Variants in BRCC3 observed in about 807,000 individuals in gnomAD.
BRCC3 encodes the protein BRCA1/BRCA2-containing complex subunit 3.
A neutral mutation model predicts 28.0 loss-of-function variants in BRCC3; 15 were observed. The observed-to-expected ratio is 0.54, with a 90% confidence interval of 0.36 to 0.82. The LOEUF (loss-of-function observed/expected upper bound fraction) is 0.82, where lower values mean the gene tolerates loss of function less well. BRCC3 is among the 40% of genes least tolerant of loss of function. BRCC3 has a pLI of 0.01. For missense variants in BRCC3, 109 were observed against 225.9 expected (o/e 0.48, Z 3.32); for synonymous variants, 66 against 80.3 (o/e 0.82, Z 0.95).
At chrX:155,080,378 G>T (rs1467295713) in intron 5 of BRCC3, among the ~76,000 whole-genome samples, 1 of 110,007 alleles carries the variant, frequency 9.1e-6, no homozygotes, top group Non-Finnish European at 1.9e-5. Context: ...CAGGGGAGAA[G>T]ATCTGAGCCA....
chrX:155,091,276 CTTT>C, intron 7 of BRCC3, among the ~76,000 whole-genome samples: 1 of 103,482 alleles, frequency 9.7e-6, no homozygotes, highest in Non-Finnish European at 2.0e-5. Flanking sequence ...ATTAGCAAAT[CTTT>C]TTTTTTTTTT....
chrX:155,077,064 A>G (rs961635330), intron 3 of BRCC3, 106 bp from the exon 4 acceptor site: 10 of 739,125 alleles, frequency 1.4e-5, no homozygotes, highest in Admixed American at 8.1e-5. Flanking sequence ...GTTTTCTAAA[A>G]TGGAATATTT....
At chrX:155,075,285 C>CT (rs1315492890) in intron 3 of BRCC3, among the ~76,000 whole-genome samples, 3 of 50,580 alleles carry the variant, frequency 5.9e-5, no homozygotes, top group Admixed American at 2.0e-4. Context: ...GCTAAGCCCA[C>CT]TCTTTCCCCT....
chrX:155,079,307 G>A (rs2074068517), intron 5 of BRCC3, among the ~76,000 whole-genome samples: 1 of 111,750 alleles, frequency 8.9e-6, no homozygotes, highest in Non-Finnish European at 1.9e-5. Context: ...TTGTACAGAA[G>A]GGTAAACAAA....
At chrX:155,120,216 G>A in intron 10 of BRCC3, 48 bp downstream of exon 10, 1 of 967,976 alleles carries the variant, frequency 1.0e-6, no homozygotes, top group South Asian at 2.1e-5. Flanking sequence ...GTCTGAAAAT[G>A]CACACAGCTC....
chrX:155,105,354 A>G (rs917410870), intron 7 of BRCC3, among the ~76,000 whole-genome samples: 6 of 111,406 alleles, frequency 5.4e-5, no homozygotes, highest in East Asian at 5.7e-4. Flanking sequence ...GTGGTGGCGC[A>G]TGCCTGTAAT....
At chrX:155,078,888 AGTCT>A (rs1459237435) in intron 5 of BRCC3, 185 bp downstream of exon 5, 1 of 356,481 alleles carries the variant, frequency 2.8e-6, no homozygotes, top group Non-Finnish European at 4.9e-6. Flanking sequence ...GTTTTTAATA[AGTCT>A]GTCAGTTGAT....
chrX:155,076,169 G>A (rs183538300), intron 3 of BRCC3, among the ~76,000 whole-genome samples: 74 of 111,710 alleles, frequency 6.6e-4, no homozygotes, highest in African/African-American at 2.2e-3. Context: ...CCAGCACTTC[G>A]AGAGGTCGAG....
intron 5 of BRCC3, among the ~76,000 whole-genome samples, chrX:155,082,679 A>G (rs2074093058): frequency 8.9e-6 from 1 of 112,453 alleles, no homozygotes. Flanking sequence ...TCTCAAGATC[A>G]AGGGTATTTA....
chrX:155,105,670 C>A (rs1301655497), intron 7 of BRCC3, among the ~76,000 whole-genome samples: 9 of 111,620 alleles, frequency 8.1e-5, no homozygotes, highest in Non-Finnish European at 1.7e-4. Context: ...TGTAGCTTTT[C>A]TTTTCTCAGT....
intron 10 of BRCC3, 147 bp downstream of exon 10, chrX:155,120,315 C>A: frequency 2.2e-6 from 1 of 462,090 alleles, no homozygotes; most frequent in East Asian, 3.6e-5. Context: ...TCACTGAACC[C>A]TCCTACCTAT....
chrX:155,075,275 G>GGTTTTGC (rs1569560405), intron 3 of BRCC3, among the ~76,000 whole-genome samples: 1 of 111,384 alleles, frequency 9.0e-6, no homozygotes, highest in African/African-American at 3.2e-5. Context: ...ATCTGATAAT[G>GGTTTTGC]CTAAGCCCAC....
rs1448033073 is a variant in BRCC3, at chrX:155,121,960, T to C, written c.*756T>C. ...TGGGCAACATAGTGAGACTCTTGTC[T>C]CTACAAAAAGTTTTTTTAAAAAATT... On this transcript the variant is annotated 3_prime_UTR_variant, in exon 11 of 11. Transcript: ENST00000330045. The C allele has an allele frequency of 9.0e-6, 1 of 110,814 alleles. No individual in the cohort carries two copies. Among genetic ancestry groups the C allele is most frequent in the African/African-American group, 3.3e-5 (1 of 30,391 alleles). The allele number at this position is 110,814 out of a possible 1,213,427, so 9.1% of individuals were successfully genotyped here.
At chrX:155,119,675 G>A (rs1417968430) in intron 9 of BRCC3, among the ~76,000 whole-genome samples, 1 of 112,313 alleles carries the variant, frequency 8.9e-6, no homozygotes, top group African/African-American at 3.2e-5. Context: ...GGTCTGAGAG[G>A]CTGGGGAAAG....
chrX:155,111,174 A>T lies in BRCC3; in HGVS notation c.549-4883A>T, dbSNP rs149574968. On this transcript the variant is annotated intron_variant, in intron 7 of 10. Coordinates refer to ENST00000330045, the MANE Select transcript of BRCC3 (RefSeq NM_001018055.3). Reference sequence around the variant, plus strand: ...TTAAAAAGAAAAAGTATCATATAAGAAATAGAAGATAAAAAGAAGCAAATG... The same window carrying T: ...TTAAAAAGAAAAAGTATCATATAAGTAATAGAAGATAAAAAGAAGCAAATG... Among the ~76,000 whole-genome samples, 826 of 112,114 alleles carry T rather than the reference A, an allele frequency of 7.4e-3. 9 individuals are homozygous for T. Among genetic ancestry groups the T allele is most frequent in the African/African-American group, 0.025 (773 of 30,928 alleles).
At chrX:155,109,020 G>C (rs187357145) in intron 7 of BRCC3, among the ~76,000 whole-genome samples, 1 of 111,705 alleles carries the variant, frequency 9.0e-6, no homozygotes, top group Non-Finnish European at 1.9e-5. Flanking sequence ...TTTAGGATAT[G>C]ATGTGGGATG....
intron 7 of BRCC3, among the ~76,000 whole-genome samples, chrX:155,097,390 A>C (rs1324062594): frequency 5.3e-5 from 6 of 112,205 alleles, no homozygotes; most frequent in African/African-American, 1.9e-4. Context: ...ATGGCCAATA[A>C]GTACACGTAA....
intron 5 of BRCC3, among the ~76,000 whole-genome samples, chrX:155,087,435 C>G (rs2074140318): frequency 8.9e-6 from 1 of 111,926 alleles, no homozygotes; most frequent in African/African-American, 3.3e-5. Context: ...TTACGTGAGA[C>G]ATACTCTCAG....
intron 7 of BRCC3, among the ~76,000 whole-genome samples, chrX:155,114,295 G>A (rs1270414602): frequency 9.0e-6 from 1 of 111,337 alleles, no homozygotes; most frequent in Non-Finnish European, 1.9e-5. Context: ...AGGAAAACCT[G>A]TTACAACCTA....
Sources: allele counts gnomAD v4.1 joint callset (sites outside exome capture counted in the v4.1 genomes callset), GRCh38; gene constraint gnomAD v4.1.1; transcripts MANE v1.5; gene names NCBI Gene and HGNC (gene_info 2026-07-23, HGNC 2026-07-21).